The following MRPS9 variants were observed in gnomAD, a reference collection of about 807,000 sequenced individuals.
MRPS9 encodes the protein small ribosomal subunit protein uS9m.
MRPS9 carries 45 observed loss-of-function variants against 59.9 expected under a neutral mutation model. The observed-to-expected ratio is 0.75, with a 90% CI of 0.59 to 0.96. The LOEUF (loss-of-function observed/expected upper bound fraction) is 0.96. Among genes scored for constraint, MRPS9 ranks in the 40% least tolerant of loss-of-function variants. The pLI is 0.00. For missense variants in MRPS9, 473 were observed against 481.1 expected (o/e 0.98, Z 0.16); for synonymous variants, 171 against 166.8 (o/e 1.03, Z -0.19).
chr2:105,098,907 T>A (rs1241455191), intron 10 of MRPS9, among the ~76,000 whole-genome samples: 1 of 152,186 alleles, frequency 6.6e-6, no homozygotes, highest in Non-Finnish European at 1.5e-5. Context: ...TTTACTAACT[T>A]ACTATAGCTC....
intron 2 of MRPS9, among the ~76,000 whole-genome samples, chr2:105,057,446 C>T (rs1328765732): frequency 1.3e-5 from 2 of 152,046 alleles, no homozygotes; most frequent in African/African-American, 2.4e-5. Flanking sequence ...CAGTTGGAAC[C>T]TTGAGCTGAG....
At chr2:105,098,905 C>T (rs1680730078) in intron 10 of MRPS9, among the ~76,000 whole-genome samples, 1 of 152,202 alleles carries the variant, frequency 6.6e-6, no homozygotes, top group African/African-American at 2.4e-5. Flanking sequence ...TCTTTACTAA[C>T]TTACTATAGC....
Position 105,099,814 on chromosome 2 carries a change from G to A in MRPS9, c.*53G>A. Reference sequence around the variant, plus strand: ...GAGCTATATATATGTGCCGACATGTGGCAGACACACAGTAAATAATGGCTG... The same window carrying A: ...GAGCTATATATATGTGCCGACATGTAGCAGACACACAGTAAATAATGGCTG... On this transcript the variant is annotated 3_prime_UTR_variant, in exon 11 of 11. Coordinates refer to ENST00000258455, the MANE Select transcript of MRPS9 (RefSeq NM_182640.3). 6.5e-7 allele frequency: 1 copy of A among 1,542,506 alleles called. No individual in the cohort carries two copies. The highest frequency in any genetic ancestry group is 8.9e-7 in the Non-Finnish European group (1 of 1,118,068).
intron 2 of MRPS9, among the ~76,000 whole-genome samples, chr2:105,057,889 A>G (rs1294005235): frequency 1.3e-5 from 2 of 152,194 alleles, no homozygotes; most frequent in Non-Finnish European, 2.9e-5. Flanking sequence ...TAATGTCTTT[A>G]TTTGGGAATT....
At chr2:105,054,392 C>T (rs536483746) in intron 2 of MRPS9, among the ~76,000 whole-genome samples, 2 of 152,130 alleles carry the variant, frequency 1.3e-5, no homozygotes, top group African/African-American at 2.4e-5. Context: ...ATTGACTATA[C>T]GGGAGGTTGC....
Position 105,079,984 on chromosome 2 carries a change from A to G in MRPS9, c.411A>G (p.Ala137=), listed in dbSNP as rs750016847. 3.7e-6 allele frequency: 6 copies of G among 1,609,750 alleles called. No individual in the cohort carries two copies. In the East Asian group the frequency reaches 9.0e-5, roughly 24 times the overall value. The stretch of plus-strand genomic sequence containing the variant: ...TTTCATCTGGCTTTTTTAAATCAGC[A>G]ATCCAGTGGGGAGAAGATGGCCGTC... ...HPEQIFPRQR[A]IQWGEDGRPF... The change falls in exon 5 of 11, where the codon GCA becomes GCG. Residue 137 remains alanine, a splice_region_variant and synonymous_variant. Coordinates refer to ENST00000258455, the MANE Select transcript of MRPS9 (RefSeq NM_182640.3).
chr2:105,084,980 T>G (rs1266773747), intron 5 of MRPS9, among the ~76,000 whole-genome samples: 1 of 152,204 alleles, frequency 6.6e-6, no homozygotes, highest in African/African-American at 2.4e-5. Flanking sequence ...TAATATATGA[T>G]GGGCCTTTAA....
intron 2 of MRPS9, among the ~76,000 whole-genome samples, chr2:105,063,348 G>A (rs1679940857): frequency 6.6e-6 from 1 of 152,190 alleles, no homozygotes; most frequent in African/African-American, 2.4e-5. Context: ...ACTTTTATGT[G>A]TATATACATA....
intron 4 of MRPS9, among the ~76,000 whole-genome samples, chr2:105,074,587 GAT>G (rs1431529514): frequency 2.6e-5 from 4 of 152,130 alleles, no homozygotes; most frequent in African/African-American, 9.7e-5. Context: ...TTTTTAAGTA[GAT>G]ACTGTAATTT....
rs557120217 is a variant in MRPS9, at chr2:105,075,389, G to A, written c.409+3900G>A. On this transcript the variant is annotated intron_variant, in intron 4 of 10. Transcript: ENST00000258455. ...TACCTGTCTGTGGCCCAGGGGTTGG[G>A]TACCCCTGTGTTAATCTAAAAGCTG... Among the ~76,000 whole-genome samples the A allele has an allele frequency of 2.6e-5, 4 of 152,274 alleles. No individual in the cohort carries two copies. The South Asian group carries it at 8.3e-4, about 32-fold the overall frequency.
At chr2:105,084,183 A>T (rs991013853) in intron 5 of MRPS9, among the ~76,000 whole-genome samples, 1 of 151,588 alleles carries the variant, frequency 6.6e-6, no homozygotes, top group South Asian at 2.1e-4. Context: ...TAAACAATTG[A>T]GTATTTTCAA....
chr2:105,038,914 G>A (rs1227586819), intron 1 of MRPS9, among the ~76,000 whole-genome samples: 1 of 152,188 alleles, frequency 6.6e-6, no homozygotes, highest in African/African-American at 2.4e-5. Flanking sequence ...TAGGTCTACG[G>A]ATAGTCAAGT....
chr2:105,099,413 T>G, intron 10 of MRPS9: 1 of 307,996 alleles, frequency 3.2e-6, no homozygotes, highest in Non-Finnish European at 6.0e-6. Context: ...AAGGGAGCCA[T>G]GATTCTTATA....
chr2:105,095,136 A>C (rs1386288402), intron 9 of MRPS9, among the ~76,000 whole-genome samples: 1 of 152,206 alleles, frequency 6.6e-6, no homozygotes, highest in African/African-American at 2.4e-5. Flanking sequence ...TCAGGAACTT[A>C]CAAATCAGCA....
rs767469158 is a variant in MRPS9, at chr2:105,038,542, T to C, written c.135+315T>C. The C allele has an allele frequency of 3.0e-4, 93 of 308,954 alleles. 1 individual carries two copies. Among genetic ancestry groups the C allele is most frequent in the Non-Finnish European group, 8.6e-5 (14 of 161,876 alleles). The allele number at this position is 308,954 out of a possible 1,614,324, so 19.1% of individuals were successfully genotyped here. ...CCTAGGTCTGTGTTGGGTCCAGTCC[T>C]ACCCTGCCCTGCTGTCTAGGGAGGA... On this transcript the variant is annotated intron_variant, in intron 1 of 10. Coordinates refer to ENST00000258455, the MANE Select transcript of MRPS9 (RefSeq NM_182640.3).
chr2:105,045,184 AAGTC>A (rs1402388302), intron 1 of MRPS9, among the ~76,000 whole-genome samples: 1 of 152,168 alleles, frequency 6.6e-6, no homozygotes, highest in Non-Finnish European at 1.5e-5. Flanking sequence ...AGAGCTGAAT[AAGTC>A]AGTAAGAATT....
At chr2:105,094,995 CAG>C (rs1402474565) in intron 9 of MRPS9, among the ~76,000 whole-genome samples, 1 of 152,122 alleles carries the variant, frequency 6.6e-6, no homozygotes, top group African/African-American at 2.4e-5. Context: ...GTGAAGATAT[CAG>C]AGATATTTAA....
At chr2:105,093,715 G>A in intron 9 of MRPS9, 77 bp downstream of exon 9, 1 of 639,532 alleles carries the variant, frequency 1.6e-6, no homozygotes, top group South Asian at 2.9e-5. Context: ...AAGAAGGCTT[G>A]TGATCTTCTA....
At chr2:105,088,885 T>G (rs1680501349) in intron 5 of MRPS9, 99 bp from the exon 6 acceptor site, 1 of 711,662 alleles carries the variant, frequency 1.4e-6, no homozygotes, top group African/African-American at 1.8e-5. Flanking sequence ...GAGGACACCT[T>G]AGGAAGTACT....
Sources: gnomAD v4.1 joint callset for allele counts (sites outside exome capture counted in the v4.1 genomes callset) on GRCh38, gnomAD v4.1.1 for gene constraint, MANE v1.5 for transcripts, NCBI Gene and HGNC (gene_info 2026-07-23, HGNC 2026-07-21) for gene names.